The following KNTC1 variants were observed in gnomAD, a reference collection of about 807,000 sequenced individuals.
The protein encoded by KNTC1 is kinetochore-associated protein 1.
KNTC1 carries 253 observed loss-of-function variants against 314.4 expected under a neutral mutation model. That is an observed-to-expected ratio of 0.80 (90% CI 0.73 to 0.89). The LOEUF (loss-of-function observed/expected upper bound fraction) is 0.89. Ranked by LOEUF, KNTC1 falls within the 40% of genes least tolerant of loss-of-function variation. The pLI is 0.00. For missense variants in KNTC1, 2,475 were observed against 2,572.9 expected (o/e 0.96, Z 0.82); for synonymous variants, 901 against 901.4 (o/e 1.00, Z 0.01).
intron 37 of KNTC1, 63 bp downstream of exon 37, chr12:122,585,837 A>C (rs575174811): frequency 1.4e-4 from 216 of 1,529,288 alleles, no homozygotes; most frequent in Non-Finnish European, 1.9e-4. Flanking sequence ...TAAACTGTAG[A>C]GGTTTGGAGC....
chr12:122,549,642 A>G, intron 12 of KNTC1, 124 bp from the exon 13 acceptor site: 1 of 620,018 alleles, frequency 1.6e-6, no homozygotes, highest in Admixed American at 2.6e-5. Context: ...CTGGGATTAT[A>G]GGCATGAGCC....
intron 20 of KNTC1, chr12:122,563,759 C>G: frequency 6.9e-7 from 1 of 1,442,532 alleles, no homozygotes; most frequent in East Asian, 2.5e-5. Flanking sequence ...TCTGGCTCTT[C>G]TTGTAACGCC....
chr12:122,596,648 C>A (rs528536455), intron 43 of KNTC1, among the ~76,000 whole-genome samples: 1 of 152,124 alleles, frequency 6.6e-6, no homozygotes, highest in East Asian at 1.9e-4. Context: ...GGAGACCAGC[C>A]TTGGTGACAT....
At chr12:122,622,186 TA>T (rs1874511473) in intron 61 of KNTC1, among the ~76,000 whole-genome samples, 1 of 152,168 alleles carries the variant, frequency 6.6e-6, no homozygotes, top group Non-Finnish European at 1.5e-5. Flanking sequence ...TTTGTAGCCT[TA>T]AGTGCTTTTA....
intron 51 of KNTC1, among the ~76,000 whole-genome samples, chr12:122,609,040 C>T (rs980880989): frequency 4.6e-5 from 7 of 152,070 alleles, no homozygotes; most frequent in Admixed American, 1.3e-4. Context: ...GCCTGAGTGA[C>T]AGAGCAAGAT....
At chr12:122,539,785 CT>C (rs35303600) in intron 5 of KNTC1, 31 bp downstream of exon 5, 197,765 of 1,038,238 alleles carry the variant, frequency 0.19, 24 homozygotes, top group South Asian at 0.21. Context: ...TTTTGAATGA[CT>C]TTTTTTTTTT....
chr12:122,579,032 T>C (rs963153238), intron 31 of KNTC1, among the ~76,000 whole-genome samples: 1 of 2,788 alleles, frequency 3.6e-4, no homozygotes, highest in Non-Finnish European at 8.7e-4. Flanking sequence ...ATTCTTTTTT[T>C]TTTTTTTTTT....
chr12:122,592,417 C>T (rs558421246), intron 42 of KNTC1, among the ~76,000 whole-genome samples: 76 of 152,358 alleles, frequency 5.0e-4, no homozygotes, highest in African/African-American at 1.8e-3. Context: ...GAGCGCACGG[C>T]ACGGGACTGG....
rs758845238 is a variant in KNTC1, at chr12:122,582,826, C to T, written c.3104C>T (p.Thr1035Ile). Residue 1035 changes from threonine (T) to isoleucine (I), a missense_variant, in exon 34 of 64, where the codon ACC becomes ATC. Thr to Ile is a moderately conservative substitution (Grantham distance 89). Coordinates refer to ENST00000333479, the MANE Select transcript of KNTC1 (RefSeq NM_014708.6). ...VAQAKHKPGSTPEPIAAEVRS... is the reference protein window; with the variant it reads ...VAQAKHKPGSIPEPIAAEVRS... ...CAGGCGAAACACAAACCTGGGAGCA[C>T]CCCAGAGCCCATAGCTGCTGAGGTG... The T allele has an allele frequency of 3.1e-6, 5 of 1,611,896 alleles. No individual in the cohort carries two copies. The African/African-American group carries it at 5.3e-5, about 17-fold the overall frequency.
intron 31 of KNTC1, among the ~76,000 whole-genome samples, chr12:122,578,663 G>A (rs183506563): frequency 1.1e-4 from 17 of 152,178 alleles, no homozygotes; most frequent in African/African-American, 3.9e-4. Context: ...CAACTGATCT[G>A]CCTGCCTCGG....
intron 30 of KNTC1, 21 bp downstream of exon 30, chr12:122,577,050 C>A: frequency 1.4e-6 from 2 of 1,472,920 alleles, no homozygotes; most frequent in South Asian, 1.4e-5. Flanking sequence ...TTTATGTTGT[C>A]ATTTCATATG....
At chr12:122,595,706 T>C (rs1312910821) in intron 43 of KNTC1, among the ~76,000 whole-genome samples, 1 of 152,242 alleles carries the variant, frequency 6.6e-6, no homozygotes, top group Non-Finnish European at 1.5e-5. Flanking sequence ...GTGTTATAAA[T>C]CCAGAATAGG....
intron 9 of KNTC1, 67 bp from the exon 10 acceptor site, chr12:122,546,554 TA>T: frequency 9.9e-7 from 1 of 1,010,960 alleles, no homozygotes; most frequent in South Asian, 1.5e-5. Flanking sequence ...GTGAATATGT[TA>T]GTTTTTTATT....
chr12:122,546,030 G>A (rs1184589093), intron 8 of KNTC1, 146 bp from the exon 9 acceptor site: 2 of 627,658 alleles, frequency 3.2e-6, no homozygotes, highest in Admixed American at 6.2e-5. Flanking sequence ...ACCAAGAGAG[G>A]AACTGGAAGA....
rs757020976 is a variant in KNTC1, at chr12:122,624,695, C to G, written c.6606+7C>G. 4 of 1,605,570 alleles carry G rather than the reference C, an allele frequency of 2.5e-6. No homozygotes were observed. The highest frequency in any genetic ancestry group is 3.4e-6 in the Non-Finnish European group (4 of 1,172,284). On this transcript the variant is annotated splice_region_variant and intron_variant, in intron 63 of 63. Coordinates refer to ENST00000333479, the MANE Select transcript of KNTC1 (RefSeq NM_014708.6). The stretch of plus-strand genomic sequence containing the variant: ...TCCCTGTGAAATTCTGAAGGTAAAG[C>G]TGATGGAAAGTTCTTAGGTTCTAAC...
At chr12:122,618,925 G>A (rs937293193) in intron 59 of KNTC1, among the ~76,000 whole-genome samples, 4 of 151,652 alleles carry the variant, frequency 2.6e-5, no homozygotes, top group Admixed American at 2.6e-4. Flanking sequence ...ACAGGCATAC[G>A]CCACGCACCA....
intron 51 of KNTC1, 82 bp from the exon 52 acceptor site, chr12:122,609,302 C>T (rs940966936): frequency 4.9e-6 from 4 of 822,010 alleles, no homozygotes; most frequent in Non-Finnish European, 7.9e-6. Flanking sequence ...GGTTTTTTAT[C>T]TAATAGATTT....
chr12:122,556,566 C>T (rs186340779), intron 16 of KNTC1, among the ~76,000 whole-genome samples: 11 of 151,290 alleles, frequency 7.3e-5, no homozygotes, highest in African/African-American at 2.4e-4. Flanking sequence ...CTCCGCCTCC[C>T]GGGTTCAAGG....
intron 34 of KNTC1, 84 bp from the exon 35 acceptor site, chr12:122,584,194 G>C (rs964380821): frequency 2.3e-6 from 2 of 886,286 alleles, no homozygotes; most frequent in African/African-American, 3.3e-5. Context: ...GTTGATGGTG[G>C]TGGTGATATA....
Sources: allele counts gnomAD v4.1 joint callset (sites outside exome capture counted in the v4.1 genomes callset), GRCh38; gene constraint gnomAD v4.1.1; transcripts MANE v1.5; gene names NCBI Gene and HGNC (gene_info 2026-07-23, HGNC 2026-07-21).